NAALADL2: variants seen among roughly 807,000 people sequenced by gnomAD.
NAALADL2 encodes the protein inactive N-acetylated-alpha-linked acidic dipeptidase-like protein 2.
Under a neutral mutation model 87.2 loss-of-function variants are expected in NAALADL2, and 76 were observed. That is an observed-to-expected ratio of 0.87 (90% CI 0.72 to 1.05). The LOEUF (loss-of-function observed/expected upper bound fraction) is 1.05, where lower values mean the gene tolerates loss of function less well. Among genes scored for constraint, NAALADL2 ranks in the 50% least tolerant of loss-of-function variants. The pLI, the probability that NAALADL2 is intolerant of heterozygous loss-of-function variation, is 0.00. For missense variants in NAALADL2, 1,089 were observed against 945.8 expected (o/e 1.15, Z -1.99); for synonymous variants, 354 against 331.0 (o/e 1.07, Z -0.75).
intron 9 of NAALADL2, among the ~76,000 whole-genome samples, chr3:175,562,953 GGT>G (rs71164639): frequency 0.13 from 19,620 of 149,836 alleles, 1,367 homozygotes; most frequent in Middle Eastern, 0.18. Flanking sequence ...ATATAGGAGG[GGT>G]GTGTGTGTGT....
intron 4 of NAALADL2, among the ~76,000 whole-genome samples, chr3:175,308,017 A>T (rs923797267): frequency 1.4e-5 from 2 of 145,000 alleles, no homozygotes; most frequent in Non-Finnish European, 3.0e-5. Context: ...GATTCTACAA[A>T]TGCCTATGAG....
At chr3:174,814,258 A>T (rs1479032385) in intron 3 of NAALADL2, among the ~76,000 whole-genome samples, 2 of 151,852 alleles carry the variant, frequency 1.3e-5, no homozygotes, top group African/African-American at 4.8e-5. Context: ...ACAGGTGCCT[A>T]CCGCCACGCC....
At chr3:175,062,739 A>T (rs892178491) in intron 1 of NAALADL2, among the ~76,000 whole-genome samples, 6 of 152,158 alleles carry the variant, frequency 3.9e-5, no homozygotes, top group Non-Finnish European at 4.4e-5. Flanking sequence ...TAACTATCAT[A>T]TGTATGTTTT....
chr3:175,292,599 C>CAA (rs1755771585), intron 4 of NAALADL2, among the ~76,000 whole-genome samples: 1 of 150,240 alleles, frequency 6.7e-6, no homozygotes, highest in Non-Finnish European at 1.5e-5. Context: ...GGGATACACA[C>CAA]ACACACACAC....
intron 4 of NAALADL2, among the ~76,000 whole-genome samples, chr3:175,264,719 G>A (rs1751637848): frequency 6.6e-6 from 1 of 151,184 alleles, no homozygotes; most frequent in South Asian, 2.1e-4. Context: ...GTCATAAGAT[G>A]GTACATGCTT....
chr3:174,637,023 C>T (rs1053378087), intron 2 of NAALADL2, among the ~76,000 whole-genome samples: 6 of 151,942 alleles, frequency 3.9e-5, no homozygotes, highest in Non-Finnish European at 7.4e-5. Context: ...TTTGCAGCAA[C>T]GTGGATAGAA....
At chr3:174,890,187 AAG>A (rs904169665) in intron 1 of NAALADL2, among the ~76,000 whole-genome samples, 4 of 144,668 alleles carry the variant, frequency 2.8e-5, no homozygotes, top group African/African-American at 1.0e-4. Context: ...AATAAAGAAA[AAG>A]AAATTTCTGC....
chr3:175,541,038 A>G (rs10936852), intron 9 of NAALADL2, among the ~76,000 whole-genome samples: 96,656 of 151,912 alleles, frequency 0.64, 32,264 homozygotes, highest in East Asian at 0.87. Flanking sequence ...ATCACTAGCT[A>G]CAATACTTTC....
chr3:175,160,424 T>TGCAATGACGCGATCTCG (rs11276463), intron 2 of NAALADL2, among the ~76,000 whole-genome samples: 19,321 of 130,210 alleles, frequency 0.15, 1,895 homozygotes, highest in African/African-American at 0.27. Flanking sequence ...CAGGCTGGAG[T>TGCAATGACGCGATCTCG]GCTCCGCAAC....
chr3:175,364,487 T>G (rs968143878), intron 5 of NAALADL2, among the ~76,000 whole-genome samples: 2 of 147,876 alleles, frequency 1.4e-5, no homozygotes, highest in African/African-American at 4.9e-5. Flanking sequence ...GGGAGTGATA[T>G]TACCAGTTAT....
intron 2 of NAALADL2, among the ~76,000 whole-genome samples, chr3:174,632,481 G>A (rs907352339): frequency 6.6e-6 from 1 of 152,082 alleles, no homozygotes; most frequent in African/African-American, 2.4e-5. Context: ...ATAGAAGGAA[G>A]TACAAGATAA....
chr3:175,746,576 T>C (rs988417006), intron 12 of NAALADL2, among the ~76,000 whole-genome samples: 1 of 152,166 alleles, frequency 6.6e-6, no homozygotes, highest in Non-Finnish European at 1.5e-5. Context: ...GCAGCCTGAC[T>C]AAAATCCAGA....
intron 11 of NAALADL2, chr3:175,718,718 G>C (rs770016191): frequency 3.6e-6 from 5 of 1,385,638 alleles, no homozygotes; most frequent in African/African-American, 1.4e-5. Flanking sequence ...TTGAGGCGTG[G>C]AGATCAAGAC....
chr3:175,286,046 A>G (rs749194829), intron 4 of NAALADL2, among the ~76,000 whole-genome samples: 7 of 152,218 alleles, frequency 4.6e-5, no homozygotes, highest in Non-Finnish European at 1.0e-4. Context: ...ATTCAGAAAG[A>G]GAATACAAGC....
chr3:174,678,378 A>C (rs190024099), intron 2 of NAALADL2, among the ~76,000 whole-genome samples: 2 of 152,254 alleles, frequency 1.3e-5, no homozygotes, highest in African/African-American at 4.8e-5. Flanking sequence ...CCCTGAAATC[A>C]CCAGTTCAAA....
At chr3:175,430,684 A>G (rs895673190) in intron 5 of NAALADL2, among the ~76,000 whole-genome samples, 2 of 152,056 alleles carry the variant, frequency 1.3e-5, no homozygotes, top group Non-Finnish European at 2.9e-5. Context: ...TCCTGCCTCA[A>G]TAAATTGCTA....
At chr3:175,337,841 A>G (rs1363447225) in intron 5 of NAALADL2, among the ~76,000 whole-genome samples, 3 of 152,176 alleles carry the variant, frequency 2.0e-5, no homozygotes, top group African/African-American at 7.2e-5. Context: ...TGTAGCAACT[A>G]TTAGATGTTT....
Position 175,793,325 on chromosome 3 carries a change from T to TTC in NAALADL2, c.2190-9680_2190-9679insTC, listed in dbSNP as rs1354836033. On this transcript the variant is annotated intron_variant, in intron 13 of 13. Transcript: ENST00000454872. ...TTTCTTTCTTTTTTTTTTTTTTTTT[T>TTC]CGAGACGGAGTCTCTCTCTGTCGCC... is the stretch of plus-strand genomic sequence containing the variant. 4.1e-3 allele frequency among the ~76,000 whole-genome samples: 581 copies of TTC among 142,586 alleles called. 2 individuals carry two copies. The highest frequency in any genetic ancestry group is 0.021 in the South Asian group (94 of 4,546). The allele number at this position is 142,586 out of a possible 152,430, so 93.5% of individuals were successfully genotyped here. A position where few individuals can be genotyped will look rare whatever the true frequency, so the allele number is the denominator to read the frequency against.
At chr3:175,544,396 C>T (rs905251348) in intron 9 of NAALADL2, among the ~76,000 whole-genome samples, 5 of 152,172 alleles carry the variant, frequency 3.3e-5, no homozygotes, top group East Asian at 1.9e-4. Context: ...TAAATCATGT[C>T]GACATGATAG....
Sources: gnomAD v4.1 joint callset for allele counts (sites outside exome capture counted in the v4.1 genomes callset) on GRCh38, gnomAD v4.1.1 for gene constraint, MANE v1.5 for transcripts, NCBI Gene and HGNC (gene_info 2026-07-23, HGNC 2026-07-21) for gene names.